MAP2K1: variants seen among roughly 807,000 people sequenced by gnomAD.
MAP2K1 encodes the protein dual specificity mitogen-activated protein kinase kinase 1.
Under a neutral mutation model 46.3 loss-of-function variants are expected in MAP2K1, and 16 were observed. That is an observed-to-expected ratio of 0.35 (90% CI 0.23 to 0.52). The LOEUF (loss-of-function observed/expected upper bound fraction) is 0.52, where lower values mean the gene tolerates loss of function less well. Ranked by LOEUF, MAP2K1 falls within the 20% of genes least tolerant of loss-of-function variation. The probability of loss-of-function intolerance (pLI) is 0.94; values close to 1 mark genes in which losing one functional copy is unlikely to be tolerated. For synonymous variants in MAP2K1, 183 were observed against 185.6 expected (o/e 0.99, Z 0.11); for missense variants, 263 against 497.1 (o/e 0.53, Z 4.48).
chr15:66,428,980 A>G lies in MAP2K1; in HGVS notation c.81-6047A>G, dbSNP rs554201322. On this transcript the variant is annotated intron_variant, in intron 1 of 10. Transcript: ENST00000307102. ...TTTTTTGTAGAGATGGGGTTTCACT[A>G]TGTTGGCCAGGCTGGTCTCAAACAA... is the stretch of plus-strand genomic sequence containing the variant. Among the ~76,000 whole-genome samples, 5 of 151,662 alleles carry G rather than the reference A, an allele frequency of 3.3e-5. No homozygotes were observed. In the South Asian group the frequency reaches 6.2e-4, roughly 19 times the overall value.
intron 5 of MAP2K1, among the ~76,000 whole-genome samples, chr15:66,479,669 C>T (rs4255740): frequency 0.28 from 42,284 of 151,928 alleles, 6,504 homozygotes; most frequent in South Asian, 0.37. Flanking sequence ...CATTTAGAAC[C>T]ATTCATTCAA....
At chr15:66,414,795 T>C (rs1478035594) in intron 1 of MAP2K1, 86 of 240,176 alleles carry the variant, frequency 3.6e-4, no homozygotes, top group Non-Finnish European at 2.6e-4. Context: ...TTTTTTTTTT[T>C]TCCCCCAGTC....
intron 5 of MAP2K1, among the ~76,000 whole-genome samples, chr15:66,461,496 AT>A (rs1319979476): frequency 6.6e-6 from 1 of 150,402 alleles, no homozygotes; most frequent in Non-Finnish European, 1.5e-5. Flanking sequence ...AAATAAATAA[AT>A]AAATAAATAA....
chr15:66,489,111 C>CT (rs1345919017), intron 8 of MAP2K1, 104 bp from the exon 9 acceptor site: 7 of 915,396 alleles, frequency 7.6e-6, no homozygotes, highest in South Asian at 1.3e-5. Flanking sequence ...GCAGAGAAGA[C>CT]TTTAAAAAAA....
intron 5 of MAP2K1, chr15:66,444,963 A>T (rs1891824715): frequency 4.0e-6 from 2 of 503,266 alleles, no homozygotes; most frequent in Non-Finnish European, 7.2e-6. Context: ...AAGAGCCTCA[A>T]CCAGCACTTA....
rs773928828 is a variant in MAP2K1, at chr15:66,435,123, G to C, written c.177G>C (p.Lys59Asn). 1 of 1,613,998 alleles carries C rather than the reference G, an allele frequency of 6.2e-7. No homozygotes were observed. Among genetic ancestry groups the C allele is most frequent in the African/African-American group, 1.3e-5 (1 of 74,902 alleles). Residue 59 changes from lysine to asparagine, a missense_variant, in exon 2 of 11, where the codon AAG (lysine) becomes AAC (asparagine). Lys to Asn is a moderately conservative substitution (Grantham distance 94). This residue lies in a region of MAP2K1 where 103 missense variants were observed against 221.6 expected (regional missense o/e 0.46). Coordinates refer to ENST00000307102, the MANE Select transcript of MAP2K1 (RefSeq NM_002755.4). ...RLEAFLTQKQ[K>N]VGELKDDDFE... ...AGGCCTTTCTTACCCAGAAGCAGAA[G>C]GTGGGAGAACTGAAGGATGACGACT...
At chr15:66,464,307 C>G (rs952805421) in intron 5 of MAP2K1, among the ~76,000 whole-genome samples, 1 of 152,026 alleles carries the variant, frequency 6.6e-6, no homozygotes, top group Non-Finnish European at 1.5e-5. Flanking sequence ...AGAAAAACTA[C>G]AATAAACAAA....
At chr15:66,442,021 C>G (rs765235927) in intron 3 of MAP2K1, among the ~76,000 whole-genome samples, 2 of 152,134 alleles carry the variant, frequency 1.3e-5, no homozygotes, top group Non-Finnish European at 2.9e-5. Flanking sequence ...ATGTAGAACC[C>G]CTTAACGGGA....
chr15:66,430,871 C>T (rs1048115528), intron 1 of MAP2K1, among the ~76,000 whole-genome samples: 1 of 152,186 alleles, frequency 6.6e-6, no homozygotes, highest in South Asian at 2.1e-4. Context: ...TTTCCTTGCA[C>T]CTCACTGGTG....
intron 5 of MAP2K1, among the ~76,000 whole-genome samples, chr15:66,455,852 GTTA>G (rs750595281): frequency 2.9e-4 from 44 of 152,192 alleles, no homozygotes; most frequent in Non-Finnish European, 5.6e-4. Flanking sequence ...GATTTGTTCT[GTTA>G]TTATACAGAA....
chr15:66,398,924 T>C (rs1338892971), intron 1 of MAP2K1, among the ~76,000 whole-genome samples: 2 of 152,060 alleles, frequency 1.3e-5, no homozygotes, highest in African/African-American at 4.8e-5. Flanking sequence ...AGGCACGTGC[T>C]ACCATGCCCA....
At chr15:66,409,376 A>C (rs1305266309) in intron 1 of MAP2K1, among the ~76,000 whole-genome samples, 3 of 152,152 alleles carry the variant, frequency 2.0e-5, no homozygotes, top group African/African-American at 7.2e-5. Flanking sequence ...CCTGGCACAG[A>C]GGAAGGCTCT....
chr15:66,398,692 A>G (rs1216216768), intron 1 of MAP2K1, among the ~76,000 whole-genome samples: 2 of 152,128 alleles, frequency 1.3e-5, no homozygotes, highest in African/African-American at 2.4e-5. Flanking sequence ...ATGAATCCCA[A>G]TTGTGTACCG....
intron 1 of MAP2K1, 100 bp downstream of exon 1, chr15:66,387,527 G>C (rs1376865438): frequency 8.2e-7 from 1 of 1,215,622 alleles, no homozygotes; most frequent in Non-Finnish European, 1.2e-6. Flanking sequence ...TGTCACGTAC[G>C]TCTGGGGCTG....
At chr15:66,468,863 G>A (rs773290700) in intron 5 of MAP2K1, among the ~76,000 whole-genome samples, 3 of 151,820 alleles carry the variant, frequency 2.0e-5, no homozygotes, top group African/African-American at 4.8e-5. Context: ...CCCAGGAGGC[G>A]GAGGTTGCAG....
At chr15:66,405,513 A>G (rs2093394307) in intron 1 of MAP2K1, among the ~76,000 whole-genome samples, 1 of 152,104 alleles carries the variant, frequency 6.6e-6, no homozygotes, top group Non-Finnish European at 1.5e-5. Flanking sequence ...TCCCCCTTTT[A>G]TTCCACAAAG....
At chr15:66,470,094 G>GTTTTTTTTTTTTTTTTTTTTTT (rs55637393) in intron 5 of MAP2K1, among the ~76,000 whole-genome samples, 2 of 76,600 alleles carry the variant, frequency 2.6e-5, no homozygotes, top group Non-Finnish European at 4.8e-5. Flanking sequence ...TTTTTTTCTT[G>GTTTTTTTTTTTTTTTTTTTTTT]TTTTTTTTTT....
intron 5 of MAP2K1, among the ~76,000 whole-genome samples, chr15:66,467,299 C>T (rs190713506): frequency 8.3e-4 from 126 of 152,222 alleles, no homozygotes; most frequent in African/African-American, 2.3e-3. Flanking sequence ...AAGATCTGAC[C>T]GAACTGACTC....
chr15:66,396,466 C>T (rs1038369201), intron 1 of MAP2K1, among the ~76,000 whole-genome samples: 5 of 151,992 alleles, frequency 3.3e-5, no homozygotes, highest in African/African-American at 1.2e-4. Flanking sequence ...GACAGGATTT[C>T]ACCATGTTGG....
Sources: allele counts gnomAD v4.1 joint callset (sites outside exome capture counted in the v4.1 genomes callset), GRCh38; gene constraint gnomAD v4.1.1; regional missense constraint gnomAD v4.1.1; transcripts MANE v1.5; gene names NCBI Gene and HGNC (gene_info 2026-07-23, HGNC 2026-07-21).